The following INTS2 variants were observed in gnomAD, a reference collection of about 807,000 sequenced individuals.
INTS2 encodes integrator complex subunit 2.
A neutral mutation model predicts 139.6 loss-of-function variants in INTS2; 57 were observed. The ratio of observed to expected loss-of-function variants is 0.41; its 90% CI spans 0.33 to 0.51. The LOEUF is 0.51. Among genes scored for constraint, INTS2 ranks in the 20% least tolerant of loss-of-function variants. The probability of loss-of-function intolerance (pLI) is 0.28; values close to 1 mark genes in which losing one functional copy is unlikely to be tolerated. For synonymous variants in INTS2, 473 were observed against 493.4 expected (o/e 0.96, Z 0.55); for missense variants, 1,196 against 1,436.7 (o/e 0.83, Z 2.71).
chr17:61,897,301 T>C lies in INTS2; in HGVS notation c.1494+168A>G, dbSNP rs1301055734. ...TCCAAGGTTTTTGCATGAGTATCTATTATTTTAGTAAATACAGGTTTCAAA... is the reference window on the plus strand; with the variant it reads ...TCCAAGGTTTTTGCATGAGTATCTACTATTTTAGTAAATACAGGTTTCAAA... On this transcript the variant is annotated intron_variant, in intron 11 of 24. Coordinates refer to ENST00000251334, the MANE Select transcript of INTS2 (RefSeq NM_001351695.2). This position sits in a 1 kb window ranked among gnomAD's most constrained non-coding sequence, Gnocchi z 4.4. 1.3e-5 allele frequency among the ~76,000 whole-genome samples: 2 copies of C among 152,274 alleles called. No homozygotes were observed. The highest frequency in any genetic ancestry group is 4.8e-5 in the African/African-American group (2 of 41,570).
chr17:61,911,775 G>T, intron 6 of INTS2, 82 bp from the exon 7 acceptor site: 1 of 1,458,676 alleles, frequency 6.9e-7, no homozygotes, highest in South Asian at 1.3e-5. Context: ...AGTATCTAAA[G>T]TTTAGAGGAA....
At chr17:61,913,047 G>A (rs912464313) in intron 5 of INTS2, among the ~76,000 whole-genome samples, 1 of 152,146 alleles carries the variant, frequency 6.6e-6, no homozygotes, top group African/African-American at 2.4e-5. Flanking sequence ...CTGCACTTCA[G>A]CCTGGGTGAC....
At position 61,867,502 on chromosome 17, in the gene INTS2, C is replaced by G; in HGVS notation, c.*55G>C. The stretch of plus-strand genomic sequence containing the variant: ...TCAGTTTAGAGTTGTTACTAATATG[C>G]AGATTCATGTTGGGTATATGCAGCA... On this transcript the variant is annotated 3_prime_UTR_variant, in exon 25 of 25. Transcript: ENST00000251334. The surrounding 1 kb of genome is among the most constrained non-coding windows in gnomAD (Gnocchi z 5.6). 9.3e-7 allele frequency: 1 copy of G among 1,077,536 alleles called. No individual in the cohort carries two copies. The highest frequency in any genetic ancestry group is 1.4e-6 in the Non-Finnish European group (1 of 733,730). 66.7% of individuals were successfully genotyped at this position (1,077,536 alleles called of 1,614,324 possible).
chr17:61,903,335 T>A (rs1327757779), intron 9 of INTS2, among the ~76,000 whole-genome samples: 2 of 150,660 alleles, frequency 1.3e-5, no homozygotes, highest in Non-Finnish European at 3.0e-5. Context: ...GGACTACAGG[T>A]GTGAGCCACC....
intron 17 of INTS2, among the ~76,000 whole-genome samples, chr17:61,878,394 T>C (rs980657441): frequency 6.6e-6 from 1 of 151,468 alleles, no homozygotes; most frequent in Non-Finnish European, 1.5e-5. Context: ...GAAACCCCTC[T>C]CTCTACTAAA....
chr17:61,900,574 A>C (rs2079394331), intron 9 of INTS2, among the ~76,000 whole-genome samples: 2 of 152,198 alleles, frequency 1.3e-5, no homozygotes, highest in African/African-American at 4.8e-5. Context: ...CCAGACAATA[A>C]TCTTTAGAAC....
At chr17:61,920,939 C>T (rs1036089441) in intron 4 of INTS2, among the ~76,000 whole-genome samples, 1 of 152,106 alleles carries the variant, frequency 6.6e-6, no homozygotes, top group African/African-American at 2.4e-5. Flanking sequence ...TATACACCAC[C>T]ACACTAGGCT....
chr17:61,878,705 G>A (rs2079147641), intron 17 of INTS2, among the ~76,000 whole-genome samples: 1 of 152,018 alleles, frequency 6.6e-6, no homozygotes, highest in South Asian at 2.1e-4. Flanking sequence ...ACTTTGGGAG[G>A]CTGAGGTAGG....
Position 61,869,135 on chromosome 17 carries a change from A to G in INTS2, c.3143T>C (p.Phe1048Ser). ...CAAGTGAGAAAGCAACTGGATAGCAAATATCTGCAATACAAAATCCAGTTA... is the reference window on the plus strand; with the variant it reads ...CAAGTGAGAAAGCAACTGGATAGCAGATATCTGCAATACAAAATCCAGTTA... ...IAQPELEKQI[F>S]AIQLLSHLCI... The change falls in exon 23 of 25, where the codon TTT becomes TCT. Residue 1048 changes from phenylalanine to serine, a missense_variant. Phe to Ser is a radical substitution (Grantham distance 155). Transcript: ENST00000251334. The surrounding 1 kb of genome is among the most constrained non-coding windows in gnomAD (Gnocchi z 5.4). 2.5e-6 allele frequency: 4 copies of G among 1,584,496 alleles called. No individual in the cohort carries two copies. The highest frequency in any genetic ancestry group is 3.5e-6 in the Non-Finnish European group (4 of 1,154,558).
Position 61,877,930 on chromosome 17 carries a change from C to T in INTS2, c.2413G>A (p.Val805Ile). 1.2e-6 allele frequency: 2 copies of T among 1,613,824 alleles called. No individual in the cohort carries two copies. Reference sequence around the variant, plus strand: ...TTAAGAACCATCCATAGTTTATTGACTGTTTGCAGAATTCTCCGTGGAACC... The same window carrying T: ...TTAAGAACCATCCATAGTTTATTGATTGTTTGCAGAATTCTCCGTGGAACC... ...SGVPRRILQT[V>I]NKLWMVLNTV... Residue 805 changes from valine (V) to isoleucine (I), a missense_variant, in exon 18 of 25, where the codon GTC becomes ATC. Around this residue, in one of 3 missense-constraint regions of INTS2, gnomAD observed 1,129 missense variants for 1,341.9 expected, o/e 0.84. Coordinates refer to ENST00000251334, the MANE Select transcript of INTS2 (RefSeq NM_001351695.2).
In INTS2 at chr17:61,891,377, T is replaced by C. The variant is rs2145927699; in HGVS notation, c.1875+136A>G. 4.4e-6 allele frequency: 3 copies of C among 687,528 alleles called. No individual in the cohort carries two copies. In the East Asian group the frequency reaches 8.3e-5, roughly 19 times the overall value. The allele number at this position is 687,528 out of a possible 1,614,324, so 42.6% of individuals were successfully genotyped here. ...ATACCATTCTTTTAATTTTTAGAGG[T>C]GATCTAAGGAAATTTAATCTAATTT... is the stretch of plus-strand genomic sequence containing the variant. On this transcript the variant is annotated intron_variant, in intron 14 of 24. Transcript: ENST00000251334.
chr17:61,881,326 G>A (rs2079176695), intron 16 of INTS2, among the ~76,000 whole-genome samples, 155 bp from the exon 17 acceptor site: 1 of 152,210 alleles, frequency 6.6e-6, no homozygotes, highest in Non-Finnish European at 1.5e-5. Flanking sequence ...GCCGGGCGCG[G>A]TGGCTCATGC....
At chr17:61,902,772 AAGG>A (rs2079419717) in intron 9 of INTS2, among the ~76,000 whole-genome samples, 1 of 151,736 alleles carries the variant, frequency 6.6e-6, no homozygotes, top group Middle Eastern at 3.4e-3. Flanking sequence ...TGGGAGGTTC[AAGG>A]AGAAGGATCA....
intron 14 of INTS2, among the ~76,000 whole-genome samples, chr17:61,890,898 C>A (rs866192642): frequency 4.3e-5 from 6 of 139,760 alleles, no homozygotes; most frequent in African/African-American, 1.6e-4. Flanking sequence ...GCAGGAGAAT[C>A]GCTTGAACCC....
chr17:61,887,000 G>A (rs771177654), intron 15 of INTS2, among the ~76,000 whole-genome samples: 5 of 152,076 alleles, frequency 3.3e-5, no homozygotes, highest in Middle Eastern at 3.2e-3. Context: ...GAAAAAATCA[G>A]AAGGCAGTTA....
At chr17:61,900,408 C>T (rs1043936895) in intron 9 of INTS2, among the ~76,000 whole-genome samples, 1 of 152,184 alleles carries the variant, frequency 6.6e-6, no homozygotes, top group Non-Finnish European at 1.5e-5. Context: ...TAAAATCATG[C>T]ATCTGAATTA....
At chr17:61,918,515 T>G (rs1405599706) in intron 5 of INTS2, among the ~76,000 whole-genome samples, 1 of 152,164 alleles carries the variant, frequency 6.6e-6, no homozygotes, top group Non-Finnish European at 1.5e-5. Context: ...GTGCTGGGAT[T>G]ACAGGCATGA....
chr17:61,891,602 G>A lies in INTS2; in HGVS notation c.1786C>T (p.Leu596Phe). 1 of 1,613,438 alleles carries A rather than the reference G, an allele frequency of 6.2e-7. No homozygotes were observed. Among genetic ancestry groups the A allele is most frequent in the Non-Finnish European group, 8.5e-7 (1 of 1,179,408 alleles). The stretch of plus-strand genomic sequence containing the variant: ...GGATTAGATTTCGACGCAGGAGTAA[G>A]TATAGAATTTATGTACACATCAATC... ...PLIDVYINSI[L>F]TPASKSNPEA... The change falls in exon 14 of 25, where the codon CTT (leucine) becomes TTT (phenylalanine). Residue 596 changes from leucine (L) to phenylalanine (F), a missense_variant. Coordinates refer to ENST00000251334, the MANE Select transcript of INTS2 (RefSeq NM_001351695.2).
At chr17:61,886,060 T>G (rs1478718695) in intron 15 of INTS2, among the ~76,000 whole-genome samples, 1 of 151,320 alleles carries the variant, frequency 6.6e-6, no homozygotes, top group Non-Finnish European at 1.5e-5. Flanking sequence ...GACTAAATCT[T>G]TTTTTTTCCC....
Sources: gnomAD v4.1 joint callset for allele counts (sites outside exome capture counted in the v4.1 genomes callset) on GRCh38, gnomAD v4.1.1 for gene constraint, gnomAD v4.1.1 regional missense constraint, Gnocchi (gnomAD v3.1) non-coding constraint, MANE v1.5 for transcripts, NCBI Gene and HGNC (gene_info 2026-07-23, HGNC 2026-07-21) for gene names.